Variants in NFKB1 observed in about 807,000 individuals in gnomAD.
The protein encoded by NFKB1 is nuclear factor kappa B subunit 1.
NFKB1 carries 9 observed loss-of-function variants against 105.1 expected under a neutral mutation model. The observed-to-expected ratio is 0.09, with a 90% confidence interval of 0.05 to 0.15. The LOEUF (loss-of-function observed/expected upper bound fraction) is 0.15. NFKB1 is among the 10% of genes least tolerant of loss of function. The probability of loss-of-function intolerance (pLI) is 1.00; values close to 1 mark genes in which losing one functional copy is unlikely to be tolerated. For synonymous variants in NFKB1, 440 were observed against 442.2 expected (o/e 1.00, Z 0.06); for missense variants, 830 against 1,203.7 (o/e 0.69, Z 4.59).
chr4:102,567,248 A>G, intron 6 of NFKB1, 113 bp downstream of exon 6: 1 of 1,084,160 alleles, frequency 9.2e-7, no homozygotes, highest in Non-Finnish European at 1.3e-6. Context: ...CCCTCAGATG[A>G]CCTCAAAAAA....
In NFKB1 at chr4:102,610,652, G is replaced by A. The variant is rs778809251; in HGVS notation, c.2305G>A (p.Gly769Arg). 63 of 1,613,428 alleles carry A rather than the reference G, an allele frequency of 3.9e-5. No homozygotes were observed. The South Asian group carries it at 6.5e-4, about 17-fold the overall frequency. Residue 769 changes from glycine (G) to arginine (R), a missense_variant, in exon 20 of 24, where the codon GGA (glycine) becomes AGA (arginine). Around this residue, in one of 8 missense-constraint regions of NFKB1, gnomAD observed 418 missense variants for 575.3 expected, o/e 0.73. Transcript: ENST00000226574. ...TTGGGAAAATGCAGGAGAGGATGAA[G>A]GAGTTGTGCCTGGAACCACGCCTCT... ...DSWENAGEDEGVVPGTTPLDM... is the reference protein window; with the variant it reads ...DSWENAGEDERVVPGTTPLDM...
chr4:102,516,846 A>C (rs1380302894), intron 1 of NFKB1, among the ~76,000 whole-genome samples: 2 of 152,136 alleles, frequency 1.3e-5, no homozygotes, highest in Admixed American at 6.5e-5. Context: ...TGGATCACCT[A>C]GTTTTATTAA....
intron 1 of NFKB1, among the ~76,000 whole-genome samples, chr4:102,512,336 G>GTTGTT (rs927898889): frequency 3.9e-5 from 6 of 152,190 alleles, no homozygotes; most frequent in East Asian, 1.9e-4. Context: ...CTGTATGTGT[G>GTTGTT]TTGTTTTGTT....
intron 11 of NFKB1, among the ~76,000 whole-genome samples, chr4:102,591,181 C>A (rs1183514320): frequency 6.6e-6 from 1 of 152,094 alleles, no homozygotes; most frequent in Admixed American, 6.5e-5. Flanking sequence ...ATGAAGGTGG[C>A]CACACCAAAC....
At chr4:102,510,174 C>T (rs1258860085) in intron 1 of NFKB1, among the ~76,000 whole-genome samples, 2 of 152,198 alleles carry the variant, frequency 1.3e-5, no homozygotes, top group Non-Finnish European at 2.9e-5. Flanking sequence ...TTTCTGTTTT[C>T]TCCCTCCCCT....
At chr4:102,583,046 C>A (rs1725437689) in intron 10 of NFKB1, 89 bp downstream of exon 10, 1 of 825,232 alleles carries the variant, frequency 1.2e-6, no homozygotes, top group African/African-American at 1.7e-5. Flanking sequence ...GTGGTACAAT[C>A]ACAGCTCACT....
chr4:102,537,011 G>A (rs1741684988), intron 4 of NFKB1, among the ~76,000 whole-genome samples: 1 of 152,106 alleles, frequency 6.6e-6, no homozygotes. Context: ...ATACAAATAT[G>A]AATAAGTTAA....
At chr4:102,595,007 C>T in intron 13 of NFKB1, 26 bp downstream of exon 13, 2 of 1,466,820 alleles carry the variant, frequency 1.4e-6, no homozygotes, top group East Asian at 2.3e-5. Context: ...TTCTTAATAC[C>T]AAGAAAGGAA....
At chr4:102,544,136 G>A (rs1348493988) in intron 5 of NFKB1, among the ~76,000 whole-genome samples, 2 of 148,922 alleles carry the variant, frequency 1.3e-5, no homozygotes, top group Admixed American at 6.6e-5. Context: ...TTTTTCTTGG[G>A]AGATGAGTAT....
chr4:102,612,344 G>A, intron 21 of NFKB1, 90 bp from the exon 22 acceptor site: 1 of 1,394,510 alleles, frequency 7.2e-7, no homozygotes, highest in Non-Finnish European at 9.9e-7. Context: ...TCCACTGGGA[G>A]TTGGACAGCA....
At chr4:102,504,018 A>C (rs1343405050) in intron 1 of NFKB1, among the ~76,000 whole-genome samples, 1 of 152,096 alleles carries the variant, frequency 6.6e-6, no homozygotes, top group Admixed American at 6.5e-5. Context: ...CCTTATTTTT[A>C]CCTAATTTAT....
At chr4:102,533,408 C>G (rs998614598) in intron 3 of NFKB1, among the ~76,000 whole-genome samples, 2 of 152,188 alleles carry the variant, frequency 1.3e-5, no homozygotes, top group South Asian at 4.1e-4. Flanking sequence ...TAAGCACACT[C>G]TCTTTGAGGA....
chr4:102,548,346 A>C (rs1185000458), intron 5 of NFKB1, among the ~76,000 whole-genome samples: 1 of 152,146 alleles, frequency 6.6e-6, no homozygotes, highest in African/African-American at 2.4e-5. Flanking sequence ...CCAGTCAGGT[A>C]GGCTATATGT....
intron 5 of NFKB1, among the ~76,000 whole-genome samples, chr4:102,540,838 C>G (rs1490907365): frequency 6.6e-6 from 1 of 151,996 alleles, no homozygotes; most frequent in African/African-American, 2.4e-5. Flanking sequence ...TATTTCTGCT[C>G]AGGATGACCT....
intron 5 of NFKB1, among the ~76,000 whole-genome samples, chr4:102,555,370 G>A (rs1722911294): frequency 6.6e-6 from 1 of 152,024 alleles, no homozygotes; most frequent in African/African-American, 2.4e-5. Flanking sequence ...TCTGTTCTAG[G>A]GGTTGGAAAA....
chr4:102,541,904 T>C (rs991096310), intron 5 of NFKB1, among the ~76,000 whole-genome samples: 1 of 152,114 alleles, frequency 6.6e-6, no homozygotes, highest in Non-Finnish European at 1.5e-5. Flanking sequence ...GCCACCACTC[T>C]GCGGTGCCTG....
At chr4:102,531,730 A>T (rs1281366134) in intron 3 of NFKB1, among the ~76,000 whole-genome samples, 1 of 152,190 alleles carries the variant, frequency 6.6e-6, no homozygotes, top group South Asian at 2.1e-4. Context: ...GTGTTGCCTG[A>T]AAGAGGAAAA....
intron 5 of NFKB1, among the ~76,000 whole-genome samples, chr4:102,558,622 G>T (rs1011183548): frequency 5.3e-5 from 8 of 152,152 alleles, no homozygotes; most frequent in African/African-American, 1.7e-4. Context: ...TGAGGATACA[G>T]CAGAGAATAA....
chr4:102,576,839 G>C, intron 6 of NFKB1, 37 bp from the exon 7 acceptor site: 1 of 1,572,444 alleles, frequency 6.4e-7, no homozygotes, highest in Non-Finnish European at 8.6e-7. Context: ...CTAACTTTTG[G>C]TTGTTGTTGC....
Sources: allele counts gnomAD v4.1 joint callset (sites outside exome capture counted in the v4.1 genomes callset), GRCh38; gene constraint gnomAD v4.1.1; regional missense constraint gnomAD v4.1.1; transcripts MANE v1.5; gene names NCBI Gene and HGNC (gene_info 2026-07-23, HGNC 2026-07-21).